The following EEF1AKMT1 variants were observed in gnomAD, a reference collection of about 807,000 sequenced individuals.
EEF1AKMT1 encodes N-6 adenine-specific DNA methyltransferase 2 (putative).
A neutral mutation model predicts 21.0 loss-of-function variants in EEF1AKMT1; 18 were observed. That is an observed-to-expected ratio of 0.86 (90% CI 0.59 to 1.27). The LOEUF (loss-of-function observed/expected upper bound fraction) is 1.27. Among genes scored for constraint, EEF1AKMT1 ranks in the 50% most tolerant of loss-of-function variants. The pLI, the probability that EEF1AKMT1 is intolerant of heterozygous loss-of-function variation, is 0.00. For synonymous variants in EEF1AKMT1, 109 were observed against 94.8 expected (o/e 1.15, Z -0.87); for missense variants, 246 against 258.6 (o/e 0.95, Z 0.33).
At chr13:20,760,194 T>C (rs1317392998) in intron 1 of EEF1AKMT1, among the ~76,000 whole-genome samples, 5 of 151,084 alleles carry the variant, frequency 3.3e-5, no homozygotes, top group Admixed American at 3.3e-4. Context: ...GGTATGAATG[T>C]AAGTTAGCTA....
intron 1 of EEF1AKMT1, among the ~76,000 whole-genome samples, chr13:20,763,594 A>C (rs559763154): frequency 6.6e-6 from 1 of 152,124 alleles, no homozygotes; most frequent in East Asian, 1.9e-4. Context: ...CTGGGATTAC[A>C]GGTGCCTACC....
chr13:20,760,990 C>CTA (rs1167875224), intron 1 of EEF1AKMT1, among the ~76,000 whole-genome samples: 2 of 152,192 alleles, frequency 1.3e-5, no homozygotes, highest in African/African-American at 4.8e-5. Flanking sequence ...ATCCTTCCAC[C>CTA]TATTTTTCCA....
chr13:20,769,562 A>T (rs994189496), intron 1 of EEF1AKMT1, among the ~76,000 whole-genome samples: 4 of 152,196 alleles, frequency 2.6e-5, no homozygotes, highest in Non-Finnish European at 5.9e-5. Context: ...TTCCCAGGGA[A>T]AGGCATGGGC....
chr13:20,763,137 C>G (rs2059009580), intron 1 of EEF1AKMT1, among the ~76,000 whole-genome samples: 1 of 152,090 alleles, frequency 6.6e-6, no homozygotes, highest in African/African-American at 2.4e-5. Flanking sequence ...GTTTTGGTAA[C>G]AAGGTAATAT....
intron 1 of EEF1AKMT1, among the ~76,000 whole-genome samples, chr13:20,764,863 CCCTT>C (rs1308567379): frequency 2.1e-5 from 3 of 142,176 alleles, no homozygotes; most frequent in Non-Finnish European, 3.0e-5. Context: ...ATATATTTTC[CCCTT>C]CCTTTCACTT....
rs751162276 is a variant in EEF1AKMT1 at position 20,729,230 on chromosome 13, A to T, written c.509-14T>A. On this transcript the variant is annotated splice_polypyrimidine_tract_variant and intron_variant, in intron 4 of 4. Transcript: ENST00000382758. ...CCATGATGGCACCTGAAGAGAACAA[A>T]GCAAATGAATCCAGAGAGTGACAAC... 1 of 1,614,146 alleles carries T rather than the reference A, an allele frequency of 6.2e-7. No individual in the cohort carries two copies. The highest frequency in any genetic ancestry group is 1.1e-5 in the South Asian group (1 of 91,076).
chr13:20,745,168 C>T (rs991824730), intron 2 of EEF1AKMT1, among the ~76,000 whole-genome samples: 4 of 152,162 alleles, frequency 2.6e-5, no homozygotes, highest in Non-Finnish European at 5.9e-5. Context: ...TATACGGGCT[C>T]TTTTTTCTTT....
At chr13:20,757,787 T>C (rs2058979301) in intron 1 of EEF1AKMT1, among the ~76,000 whole-genome samples, 170 bp from the exon 2 acceptor site, 1 of 152,290 alleles carries the variant, frequency 6.6e-6, no homozygotes, top group African/African-American at 2.4e-5. Flanking sequence ...AAATCCCTCT[T>C]CTGTGGCCAA....
intron 2 of EEF1AKMT1, among the ~76,000 whole-genome samples, chr13:20,740,455 C>T (rs1002444700): frequency 7.9e-5 from 12 of 152,230 alleles, no homozygotes; most frequent in African/African-American, 2.2e-4. Flanking sequence ...CAAGAGCAAG[C>T]GAGGGCTACC....
chr13:20,772,399 A>G (rs2059067228), intron 1 of EEF1AKMT1, among the ~76,000 whole-genome samples: 2 of 152,274 alleles, frequency 1.3e-5, no homozygotes, highest in South Asian at 4.1e-4. Flanking sequence ...CAATGCCTAG[A>G]GACATTTTTG....
chr13:20,732,114 A>T lies in EEF1AKMT1; in HGVS notation c.235T>A (p.Cys79Ser). 1 of 1,608,924 alleles carries T rather than the reference A, an allele frequency of 6.2e-7. No individual in the cohort carries two copies. The highest frequency in any genetic ancestry group is 8.5e-7 in the Non-Finnish European group (1 of 1,177,614). The part of the protein sequence containing the change: ...AAVGEGGRIA[C>S]VSAPSVYQKL... ...TGGTAAACACTAGGGGCACTCACAC[A>T]TGCGATTCTAGGAGACAAAATGAAC... Residue 79 changes from cysteine (C) to serine (S), a missense_variant, in exon 4 of 5, where the codon TGT becomes AGT. By Grantham distance (112) the Cys-to-Ser change is moderately radical. Coordinates refer to ENST00000382758, the MANE Select transcript of EEF1AKMT1 (RefSeq NM_001318939.2).
intron 2 of EEF1AKMT1, among the ~76,000 whole-genome samples, chr13:20,755,246 G>T (rs2058965736): frequency 6.6e-6 from 1 of 152,228 alleles, no homozygotes; most frequent in Admixed American, 6.5e-5. Flanking sequence ...TGAGTCTGGG[G>T]GAAGTCAATG....
At chr13:20,744,587 C>A (rs1362362486) in intron 2 of EEF1AKMT1, among the ~76,000 whole-genome samples, 4 of 152,044 alleles carry the variant, frequency 2.6e-5, no homozygotes, top group African/African-American at 9.7e-5. Context: ...GATATTAGAC[C>A]TTTGTCAGAT....
chr13:20,731,681 A>G (rs1484291059), intron 4 of EEF1AKMT1, among the ~76,000 whole-genome samples, 160 bp downstream of exon 4: 1 of 152,194 alleles, frequency 6.6e-6, no homozygotes, highest in African/African-American at 2.4e-5. Flanking sequence ...GCAGAGTATT[A>G]TCAGTCCTAG....
At chr13:20,746,174 CAG>C (rs1210083385) in intron 2 of EEF1AKMT1, among the ~76,000 whole-genome samples, 1 of 150,186 alleles carries the variant, frequency 6.7e-6, no homozygotes, top group Non-Finnish European at 1.5e-5. Context: ...TTTTTTTAGA[CAG>C]AGTCTCACTC....
chr13:20,755,574 A>C (rs1005155343), intron 2 of EEF1AKMT1, among the ~76,000 whole-genome samples: 17 of 152,168 alleles, frequency 1.1e-4, no homozygotes, highest in African/African-American at 4.1e-4. Context: ...AGGCTGCCTC[A>C]CTTCCTCTCC....
chr13:20,755,821 A>C (rs1446166730), intron 2 of EEF1AKMT1, among the ~76,000 whole-genome samples: 2 of 152,230 alleles, frequency 1.3e-5, no homozygotes, highest in Admixed American at 1.3e-4. Flanking sequence ...AAAGGTGTTA[A>C]TTCTAAGCAG....
chr13:20,764,966 A>C (rs904277147), intron 1 of EEF1AKMT1, among the ~76,000 whole-genome samples: 2 of 148,174 alleles, frequency 1.3e-5, no homozygotes, highest in African/African-American at 4.9e-5. Context: ...GTTTTCGTCT[A>C]AAAAAAAAAT....
At chr13:20,756,822 G>A (rs1245054110) in intron 2 of EEF1AKMT1, among the ~76,000 whole-genome samples, 1 of 152,000 alleles carries the variant, frequency 6.6e-6, no homozygotes, top group African/African-American at 2.4e-5. Flanking sequence ...CCTTTGAGTG[G>A]TGCCTTCACC....
Sources: gnomAD v4.1 joint callset for allele counts (sites outside exome capture counted in the v4.1 genomes callset) on GRCh38, gnomAD v4.1.1 for gene constraint, MANE v1.5 for transcripts, NCBI Gene and HGNC (gene_info 2026-07-23, HGNC 2026-07-21) for gene names.